Variants in HYDIN observed in about 807,000 individuals in gnomAD.
The protein encoded by HYDIN is HYDIN axonemal central pair apparatus protein, also known as axonemal central pair apparatus protein HYDIN.
HYDIN carries 132 observed loss-of-function variants against 403.9 expected under a neutral mutation model. The observed-to-expected ratio is 0.33, with a 90% CI of 0.28 to 0.38. The LOEUF is 0.38. Ranked by LOEUF, HYDIN falls within the 10% of genes least tolerant of loss-of-function variation. HYDIN has a pLI of 1.00. For synonymous variants in HYDIN, 1,202 were observed against 1,891.7 expected (o/e 0.64, Z 9.46); for missense variants, 2,827 against 5,009.5 (o/e 0.56, Z 13.15).
At chr16:71,017,433 C>T (rs1202864926) in intron 23 of HYDIN, among the ~76,000 whole-genome samples, 1 of 151,898 alleles carries the variant, frequency 6.6e-6, no homozygotes, top group Non-Finnish European at 1.5e-5. Context: ...TGCCTTGCTT[C>T]CCCTTCACTT....
intron 1 of HYDIN, 117 bp downstream of exon 1, chr16:71,230,445 A>G (rs1440048061): frequency 1.6e-6 from 2 of 1,263,024 alleles, no homozygotes; most frequent in Non-Finnish European, 2.1e-6. Context: ...AGGGGTCTGG[A>G]AAGTCTGGAG....
At chr16:70,903,061 CTT>C (rs1351540326) in intron 52 of HYDIN, among the ~76,000 whole-genome samples, 1 of 136,780 alleles carries the variant, frequency 7.3e-6, no homozygotes, top group Non-Finnish European at 1.5e-5. Flanking sequence ...CTTTTGGTTA[CTT>C]CAGTTATTAC....
Position 70,828,811 on chromosome 16 carries a change from AG to A in HYDIN, c.14113-383del, listed in dbSNP as rs2036768685. 2.0e-5 allele frequency among the ~76,000 whole-genome samples: 3 copies of A among 152,122 alleles called. No homozygotes were observed. In the South Asian group the frequency reaches 6.2e-4, roughly 32 times the overall value. The stretch of plus-strand genomic sequence containing the variant: ...AAAATAATTATCATAAAGACCGCAT[AG>A]TTAAATAGAAAAATGCTACTGCTAT... On this transcript the variant is annotated intron_variant, in intron 81 of 85. Coordinates refer to ENST00000393567, the MANE Select transcript of HYDIN (RefSeq NM_001270974.2).
At chr16:71,012,139 G>C (rs1260179773) in intron 23 of HYDIN, among the ~76,000 whole-genome samples, 2 of 152,298 alleles carry the variant, frequency 1.3e-5, no homozygotes, top group Non-Finnish European at 2.9e-5. Context: ...GTAAAAGCTG[G>C]TTCAAGTGCA....
chr16:71,168,319 CAAAA>C (rs71302043), intron 5 of HYDIN, among the ~76,000 whole-genome samples: 2 of 86,470 alleles, frequency 2.3e-5, no homozygotes, highest in Non-Finnish European at 2.3e-5. Flanking sequence ...AACCCTGCTT[CAAAA>C]AAAAAAAAAA....
chr16:70,997,721 T>C (rs2079575677), intron 23 of HYDIN, among the ~76,000 whole-genome samples: 1 of 150,514 alleles, frequency 6.6e-6, no homozygotes. Flanking sequence ...GCAGAAGCCA[T>C]GTCTGTCTGT....
chr16:70,989,318 G>A (rs80272618), intron 25 of HYDIN, among the ~76,000 whole-genome samples: 1 of 151,776 alleles, frequency 6.6e-6, no homozygotes, highest in South Asian at 2.1e-4. Context: ...GGTTACAGGC[G>A]TGAACCACTG....
intron 48 of HYDIN, 57 bp downstream of exon 48, chr16:70,908,596 C>A (rs2076602558): frequency 3.3e-6 from 5 of 1,498,606 alleles, no homozygotes; most frequent in Non-Finnish European, 3.6e-6. Context: ...GTGACAGTCA[C>A]ACCCTCAGTG....
rs2088801939 is a variant in HYDIN at position 71,214,944 on chromosome 16, G to GATAATGGA, written c.-24+15617_-24+15618insTCCATTAT. Among the ~76,000 whole-genome samples the GATAATGGA allele has an allele frequency of 2.0e-5, 3 of 152,280 alleles. No homozygotes were observed. The East Asian group carries it at 5.8e-4, about 29-fold the overall frequency. ...GCTCTGTCTCCTTGGCAGAGATCCA[G>GATAATGGA]GATAAGATAATGGAGAGATCTGCTC... is the stretch of plus-strand genomic sequence containing the variant. On this transcript the variant is annotated intron_variant, in intron 1 of 85. Transcript: ENST00000393567.
Position 71,210,082 on chromosome 16 carries a change from A to C in HYDIN, c.-24+20480T>G, listed in dbSNP as rs1184084226. On this transcript the variant is annotated intron_variant, in intron 1 of 85. Coordinates refer to ENST00000393567, the MANE Select transcript of HYDIN (RefSeq NM_001270974.2). Reference sequence around the variant, plus strand: ...GGTGGGAGAGTAAATTAGCTCAACCATTCTAGAAATCAGTGTGGCAATTCC... The same window carrying C: ...GGTGGGAGAGTAAATTAGCTCAACCCTTCTAGAAATCAGTGTGGCAATTCC... Among the ~76,000 whole-genome samples, 4 of 152,334 alleles carry C rather than the reference A, an allele frequency of 2.6e-5. No homozygotes were observed. The East Asian group carries it at 7.7e-4, about 29-fold the overall frequency.
chr16:70,892,522 C>A lies in HYDIN; in HGVS notation c.9256G>T (p.Val3086Leu). The A allele has an allele frequency of 6.2e-7, 1 of 1,601,602 alleles. No homozygotes were observed. Among genetic ancestry groups the A allele is most frequent in the Non-Finnish European group, 8.5e-7 (1 of 1,175,082 alleles). The change falls in exon 56 of 86, where the codon GTG becomes TTG. Residue 3086 changes from valine to leucine, a missense_variant. Transcript: ENST00000393567. ...GKYEIAFSFS[V>L]DSVGISTPNI... ...GGTGTTGAAATCCCTACAGAGTCCA[C>A]GGAAAAGCTGAAAGACAAGAATAAG... is the stretch of plus-strand genomic sequence containing the variant.
chr16:71,097,984 T>C (rs1426206166), intron 10 of HYDIN, among the ~76,000 whole-genome samples: 2 of 152,152 alleles, frequency 1.3e-5, no homozygotes, highest in African/African-American at 2.4e-5. Flanking sequence ...TAAATGTCCG[T>C]TAAAGACAGA....
At chr16:70,905,136 G>A (rs1408813909) in intron 50 of HYDIN, among the ~76,000 whole-genome samples, 6 of 152,170 alleles carry the variant, frequency 3.9e-5, no homozygotes, top group Admixed American at 1.3e-4. Flanking sequence ...GATGAAAGGA[G>A]AGAGAATGAC....
chr16:70,955,395 A>G lies in HYDIN; in HGVS notation c.6296T>C (p.Val2099Ala), dbSNP rs1486598424. Reference sequence around the variant, plus strand: ...CTTACCAGCCTCCTCTCCTTCCTTCACGGACTGCTCTATGGCAGCCCTGAT... The same window carrying G: ...CTTACCAGCCTCCTCTCCTTCCTTCGCGGACTGCTCTATGGCAGCCCTGAT... ...LCIRAAIEQS[V>A]KEGEEAAQEA... Residue 2099 changes from valine to alanine, a missense_variant, in exon 40 of 86, where the codon GTG (valine) becomes GCG (alanine). Transcript: ENST00000393567. 1 of 1,609,174 alleles carries G rather than the reference A, an allele frequency of 6.2e-7. No individual in the cohort carries two copies.
intron 1 of HYDIN, among the ~76,000 whole-genome samples, chr16:71,189,331 G>A (rs1473460798): frequency 4.6e-5 from 7 of 152,064 alleles, no homozygotes; most frequent in Non-Finnish European, 8.8e-5. Flanking sequence ...CCATGTAAGT[G>A]TTTTACATAT....
intron 20 of HYDIN, among the ~76,000 whole-genome samples, chr16:71,025,923 T>C (rs1157204635): frequency 1.3e-5 from 2 of 151,722 alleles, no homozygotes; most frequent in Non-Finnish European, 2.9e-5. Context: ...TTTTTTCAGA[T>C]GGAGTTTGCT....
At position 70,879,503 on chromosome 16, in the gene HYDIN, G is replaced by A. The variant is rs745616706; in HGVS notation, c.10368-17C>T. On this transcript the variant is annotated splice_polypyrimidine_tract_variant and intron_variant, in intron 61 of 85. Coordinates refer to ENST00000393567, the MANE Select transcript of HYDIN (RefSeq NM_001270974.2). ...GCCAGGGTGCTGTAGGGGACAGGAA[G>A]ATTGTAGCCTGTCAGCCTGGCATGG... 1 of 1,611,978 alleles carries A rather than the reference G, an allele frequency of 6.2e-7. No individual in the cohort carries two copies. Among genetic ancestry groups the A allele is most frequent in the South Asian group, 1.1e-5 (1 of 90,802 alleles).
At chr16:71,190,934 G>C (rs1039259901) in intron 1 of HYDIN, among the ~76,000 whole-genome samples, 4 of 152,086 alleles carry the variant, frequency 2.6e-5, no homozygotes, top group African/African-American at 9.7e-5. Flanking sequence ...ATAGGAAAAT[G>C]ACTCAGTTTA....
At chr16:70,951,279 AGG>A (rs557070471) in intron 41 of HYDIN, among the ~76,000 whole-genome samples, 3,410 of 144,404 alleles carry the variant, frequency 0.024, 162 homozygotes, top group African/African-American at 0.083. Flanking sequence ...AGAGAGAGAG[AGG>A]GAGAGAGGGA....
Sources: gnomAD v4.1 joint callset for allele counts (sites outside exome capture counted in the v4.1 genomes callset) on GRCh38, gnomAD v4.1.1 for gene constraint, MANE v1.5 for transcripts, NCBI Gene and HGNC (gene_info 2026-07-23, HGNC 2026-07-21) for gene names.